METTL9: variants seen among roughly 807,000 people sequenced by gnomAD.
The protein encoded by METTL9 is protein-L-histidine N-pros-methyltransferase.
METTL9 carries 10 observed loss-of-function variants against 36.0 expected under a neutral mutation model. That is an observed-to-expected ratio of 0.28 (90% CI 0.17 to 0.47). The LOEUF (loss-of-function observed/expected upper bound fraction) is 0.47. Among genes scored for constraint, METTL9 ranks in the 20% least tolerant of loss-of-function variants. The probability of loss-of-function intolerance (pLI) is 0.99; values close to 1 mark genes in which losing one functional copy is unlikely to be tolerated. For synonymous variants in METTL9, 175 were observed against 149.7 expected (o/e 1.17, Z -1.23); for missense variants, 246 against 383.5 (o/e 0.64, Z 3.00).
chr16:21,639,925 T>TTTA (rs1966203724), intron 4 of METTL9: 1 of 151,142 alleles, frequency 6.6e-6, no homozygotes, highest in Admixed American at 6.6e-5. Context: ...AAACACTTTA[T>TTTA]TTTATTTATT....
In METTL9 at chr16:21,599,920, G is replaced by A. The variant is rs1370196628; in HGVS notation, c.165+22G>A. The A allele has an allele frequency of 2.3e-6, 3 of 1,320,014 alleles. No individual in the cohort carries two copies. In the East Asian group the frequency reaches 9.7e-5, roughly 43 times the overall value. 81.8% of individuals were successfully genotyped at this position (1,320,014 alleles called of 1,614,324 possible). On this transcript the variant is annotated intron_variant, in intron 1 of 4. Coordinates refer to ENST00000358154, the MANE Select transcript of METTL9 (RefSeq NM_016025.5). This position sits in a 1 kb window ranked among gnomAD's most constrained non-coding sequence, Gnocchi z 4.4. ...CCAGGTACGGGCTGGGGCCGGGGCC[G>A]GGGCGGGGGCGTGGCGGCCCGGCCT...
intron 4 of METTL9, chr16:21,654,550 G>A (rs1966661642): frequency 6.6e-6 from 1 of 152,294 alleles, no homozygotes; most frequent in South Asian, 2.1e-4. Flanking sequence ...GACTGATAGA[G>A]GCTTCATCTC....
At chr16:21,606,480 C>G (rs1006038452) in intron 1 of METTL9, among the ~76,000 whole-genome samples, 4 of 152,040 alleles carry the variant, frequency 2.6e-5, no homozygotes, top group African/African-American at 9.7e-5. Flanking sequence ...TGATGAGCCA[C>G]CCAACCATCA....
chr16:21,615,924 C>T (rs1031131378), intron 2 of METTL9, among the ~76,000 whole-genome samples: 6 of 152,106 alleles, frequency 3.9e-5, no homozygotes, highest in Non-Finnish European at 7.3e-5. Context: ...CAGTTGTAGT[C>T]GGTAGCATCA....
intron 2 of METTL9, among the ~76,000 whole-genome samples, chr16:21,615,761 C>T (rs778200255): frequency 6.6e-6 from 1 of 152,204 alleles, no homozygotes. Flanking sequence ...AGCCATGCTG[C>T]CAGTAGCCTC....
chr16:21,603,297 C>T (rs1435372947), intron 1 of METTL9, among the ~76,000 whole-genome samples: 1 of 152,058 alleles, frequency 6.6e-6, no homozygotes, highest in African/African-American at 2.4e-5. Flanking sequence ...TGCCAGCACA[C>T]CTGGTTAATT....
At chr16:21,635,484 C>T (rs1966067162) in intron 4 of METTL9, among the ~76,000 whole-genome samples, 1 of 149,456 alleles carries the variant, frequency 6.7e-6, no homozygotes, top group African/African-American at 2.4e-5. Context: ...TGTGTATTCT[C>T]GTGTATTCTC....
intron 4 of METTL9, among the ~76,000 whole-genome samples, chr16:21,630,229 TC>T: frequency 6.6e-6 from 1 of 152,196 alleles, no homozygotes; most frequent in East Asian, 1.9e-4. Context: ...TGGGAGCTTG[TC>T]CCCCGATCAA....
At chr16:21,642,834 T>C (rs2141611912) in intron 4 of METTL9, among the ~76,000 whole-genome samples, 1 of 152,372 alleles carries the variant, frequency 6.6e-6, no homozygotes, top group East Asian at 1.9e-4. Flanking sequence ...TCGTGTCTAA[T>C]GTGTTTCTGA....
Position 21,621,005 on chromosome 16 carries a change from C to T in METTL9, c.566+2931C>T, listed in dbSNP as rs1257206232. Among the ~76,000 whole-genome samples the T allele has an allele frequency of 3.3e-5, 5 of 152,094 alleles. No individual in the cohort carries two copies. In the East Asian group the frequency reaches 9.7e-4, roughly 29 times the overall value. ...TATATTTTTAGAGACGGGTCTCTCT[C>T]TGTCACCTGGGCTAGAGCATGTGGC... On this transcript the variant is annotated intron_variant, in intron 3 of 4. Coordinates refer to ENST00000358154, the MANE Select transcript of METTL9 (RefSeq NM_016025.5).
rs539553099 is a variant in METTL9, at chr16:21,656,491, G to A, written c.*1059G>A. 2 of 152,252 alleles carry A rather than the reference G, an allele frequency of 1.3e-5. No homozygotes were observed. Among genetic ancestry groups the A allele is most frequent in the South Asian group, 4.1e-4 (2 of 4,826 alleles). The allele number at this position is 152,252 out of a possible 1,614,324, so 9.4% of individuals were successfully genotyped here. On this transcript the variant is annotated 3_prime_UTR_variant, in exon 5 of 5. Transcript: ENST00000358154. The stretch of plus-strand genomic sequence containing the variant: ...GACTCATGCATTCTGGAATCCGTGA[G>A]TGCCTCCAACCATAAACCCAGAAAT...
intron 4 of METTL9, chr16:21,643,143 A>T: frequency 6.2e-7 from 1 of 1,606,376 alleles, no homozygotes. Flanking sequence ...AAATACGCCG[A>T]GCACTCTTCT....
At chr16:21,630,465 C>T (rs1368362018) in intron 4 of METTL9, among the ~76,000 whole-genome samples, 2 of 152,184 alleles carry the variant, frequency 1.3e-5, no homozygotes, top group East Asian at 1.9e-4. Flanking sequence ...GCCGAGGGGG[C>T]GCCGAGAGCG....
intron 1 of METTL9, among the ~76,000 whole-genome samples, chr16:21,605,182 A>G (rs1431841976): frequency 7.3e-6 from 1 of 136,450 alleles, no homozygotes; most frequent in East Asian, 2.1e-4. Flanking sequence ...AAGGCAACAC[A>G]TTTTCTGCTG....
At chr16:21,630,835 AG>A (rs1965940832) in intron 4 of METTL9, among the ~76,000 whole-genome samples, 1 of 152,210 alleles carries the variant, frequency 6.6e-6, no homozygotes, top group Non-Finnish European at 1.5e-5. Flanking sequence ...GGACCTAGAA[AG>A]GGGAGAAGCC....
Position 21,599,748 on chromosome 16 carries a change from G to T in METTL9, c.15G>T (p.Ala5=). The change falls in exon 1 of 5, where the codon GCG becomes GCT. Residue 5 remains alanine, a synonymous_variant. Coordinates refer to ENST00000358154, the MANE Select transcript of METTL9 (RefSeq NM_016025.5). This position sits in a 1 kb window ranked among gnomAD's most constrained non-coding sequence, Gnocchi z 4.4. MRLL[A]GWLCLSLASV... is the part of the protein sequence containing the mutation. Reference sequence around the variant, plus strand: ...CGCGGCCCCCGATGAGACTGCTGGCGGGCTGGCTGTGCCTGAGCCTGGCGT... The same window carrying T: ...CGCGGCCCCCGATGAGACTGCTGGCTGGCTGGCTGTGCCTGAGCCTGGCGT... 6.6e-7 allele frequency: 1 copy of T among 1,524,762 alleles called. No homozygotes were observed. The highest frequency in any genetic ancestry group is 2.8e-5 in the East Asian group (1 of 36,258). The allele number at this position is 1,524,762 out of a possible 1,614,324, so 94.5% of individuals were successfully genotyped here.
chr16:21,624,085 T>C (rs1196406870), intron 3 of METTL9, among the ~76,000 whole-genome samples: 1 of 152,180 alleles, frequency 6.6e-6, no homozygotes, highest in Admixed American at 6.5e-5. Flanking sequence ...TGTATAGTTA[T>C]TCAGATATGA....
At chr16:21,606,085 C>T (rs1387872996) in intron 1 of METTL9, among the ~76,000 whole-genome samples, 3 of 152,056 alleles carry the variant, frequency 2.0e-5, no homozygotes, top group Non-Finnish European at 2.9e-5. Context: ...GCCTGTAATC[C>T]CGGCACTATG....
At position 21,599,938 on chromosome 16, in the gene METTL9, C is replaced by T. The variant is rs1965065798; in HGVS notation, c.165+40C>T. 3.9e-6 allele frequency: 5 copies of T among 1,285,762 alleles called. No homozygotes were observed. The highest frequency in any genetic ancestry group is 4.9e-6 in the Non-Finnish European group (5 of 1,021,558). The allele number at this position is 1,285,762 out of a possible 1,614,324, so 79.6% of individuals were successfully genotyped here. A position where few individuals can be genotyped will look rare whatever the true frequency, so the allele number is the denominator to read the frequency against. On this transcript the variant is annotated intron_variant, in intron 1 of 4. Transcript: ENST00000358154. The surrounding 1 kb of genome is among the most constrained non-coding windows in gnomAD (Gnocchi z 4.4). ...CGGGGCCGGGGCGGGGGCGTGGCGG[C>T]CCGGCCTTCCCGCGCTGGGCCCGGC...
Sources: gnomAD v4.1 joint callset for allele counts (sites outside exome capture counted in the v4.1 genomes callset) on GRCh38, gnomAD v4.1.1 for gene constraint, Gnocchi (gnomAD v3.1) non-coding constraint, MANE v1.5 for transcripts, NCBI Gene and HGNC (gene_info 2026-07-23, HGNC 2026-07-21) for gene names.